KLHL29: variants seen among roughly 807,000 people sequenced by gnomAD.
KLHL29 encodes kelch like family member 29.
A neutral mutation model predicts 80.4 loss-of-function variants in KLHL29; 21 were observed. The ratio of observed to expected loss-of-function variants is 0.26; its 90% confidence interval spans 0.19 to 0.38. The LOEUF (loss-of-function observed/expected upper bound fraction) is 0.38, where lower values mean the gene tolerates loss of function less well. Among genes scored for constraint, KLHL29 ranks in the 10% least tolerant of loss-of-function variants. KLHL29 has a pLI of 1.00. For synonymous variants in KLHL29, 511 were observed against 526.8 expected, an observed-to-expected ratio of 0.97 and a Z score of 0.41; for missense variants, 867 against 1,223.9, an observed-to-expected ratio of 0.71 and a Z score of 4.35.
In KLHL29 at chr2:23,385,201, A is replaced by T. The variant is rs1249357322; in HGVS notation, c.-733A>T. On this transcript the variant is annotated 5_prime_UTR_variant, in exon 1 of 14. Transcript: ENST00000486442. ...AGCAGACGGTACCCGGAGCGGAGCG[A>T]GCCAGAAGGGAGCATGGTCCCCGCG... is the stretch of plus-strand genomic sequence containing the variant. 2 of 148,424 alleles carry T rather than the reference A, an allele frequency of 1.3e-5. No individual in the cohort carries two copies. Among genetic ancestry groups the T allele is most frequent in the Non-Finnish European group, 3.0e-5 (2 of 66,468 alleles). 9.2% of individuals were successfully genotyped at this position (148,424 alleles called of 1,614,324 possible).
intron 2 of KLHL29, among the ~76,000 whole-genome samples, chr2:23,546,337 T>C (rs1046684079): frequency 6.6e-6 from 1 of 152,084 alleles, no homozygotes; most frequent in Non-Finnish European, 1.5e-5. Context: ...CTAGAAAAGA[T>C]TGGGGCCAAG....
At chr2:23,453,046 G>C (rs1055497788) in intron 1 of KLHL29, among the ~76,000 whole-genome samples, 6 of 151,560 alleles carry the variant, frequency 4.0e-5, no homozygotes, top group African/African-American at 1.5e-4. Context: ...TCCCCTGAGA[G>C]ACCGTAAACT....
chr2:23,436,612 T>G (rs1159801663), intron 1 of KLHL29, among the ~76,000 whole-genome samples: 1 of 152,158 alleles, frequency 6.6e-6, no homozygotes, highest in Non-Finnish European at 1.5e-5. Context: ...AGGTGCGCAT[T>G]CAGCGCTGCG....
chr2:23,652,809 C>G (rs565577004), intron 5 of KLHL29, among the ~76,000 whole-genome samples: 1 of 152,334 alleles, frequency 6.6e-6, no homozygotes, highest in Non-Finnish European at 1.5e-5. Flanking sequence ...CTCCAGAGTC[C>G]TGCTGTCCAC....
intron 3 of KLHL29, among the ~76,000 whole-genome samples, chr2:23,637,077 C>T (rs1369387746): frequency 6.6e-6 from 1 of 152,122 alleles, no homozygotes. Context: ...CCCCTCCAGG[C>T]AGGAGGGGCT....
intron 1 of KLHL29, among the ~76,000 whole-genome samples, chr2:23,472,465 C>G (rs535530012): frequency 6.6e-6 from 1 of 152,148 alleles, no homozygotes; most frequent in Non-Finnish European, 1.5e-5. Context: ...GAAACCCTGT[C>G]TCTACTAAAA....
At chr2:23,673,373 A>C (rs529622075) in intron 5 of KLHL29, among the ~76,000 whole-genome samples, 5 of 150,802 alleles carry the variant, frequency 3.3e-5, no homozygotes, top group Admixed American at 3.3e-4. Flanking sequence ...CACAGGGTGC[A>C]TGCACACGTC....
At chr2:23,482,732 C>G (rs1336941679) in intron 2 of KLHL29, among the ~76,000 whole-genome samples, 1 of 152,262 alleles carries the variant, frequency 6.6e-6, no homozygotes, top group Non-Finnish European at 1.5e-5. Flanking sequence ...CCCTGTCTCT[C>G]TCTCTTACAA....
intron 2 of KLHL29, among the ~76,000 whole-genome samples, chr2:23,505,620 C>T (rs1665575974): frequency 6.6e-6 from 1 of 152,236 alleles, no homozygotes; most frequent in African/African-American, 2.4e-5. Context: ...GGTCCCTTGC[C>T]AGGGCTTCCT....
At chr2:23,634,412 C>T (rs1669554492) in intron 3 of KLHL29, among the ~76,000 whole-genome samples, 1 of 152,110 alleles carries the variant, frequency 6.6e-6, no homozygotes, top group Non-Finnish European at 1.5e-5. Context: ...TGACTTGGGC[C>T]CCCATCCATC....
intron 5 of KLHL29, among the ~76,000 whole-genome samples, chr2:23,676,339 T>C (rs1445812247): frequency 6.6e-6 from 1 of 152,208 alleles, no homozygotes; most frequent in African/African-American, 2.4e-5. Flanking sequence ...TCTGCTACCA[T>C]GCCCGGCTAA....
rs1664361413 is a variant in KLHL29 at position 23,466,634 on chromosome 2, G to C, written c.-153-8926G>C. ...TATGTGCAGTTACCTGTGTTCATTA[G>C]CTGTTTGTTTCCACTGTGTTAAAGT... On this transcript the variant is annotated intron_variant, in intron 1 of 13. Transcript: ENST00000486442. Among the ~76,000 whole-genome samples the C allele has an allele frequency of 5.9e-5, 9 of 152,326 alleles. No individual in the cohort carries two copies. In the South Asian group the frequency reaches 1.9e-3, roughly 32 times the overall value.
At chr2:23,595,128 C>T (rs998187001) in intron 3 of KLHL29, among the ~76,000 whole-genome samples, 2 of 152,154 alleles carry the variant, frequency 1.3e-5, no homozygotes, top group Non-Finnish European at 2.9e-5. Flanking sequence ...CTTTTCCTAA[C>T]TTTGGTTCTC....
rs181534827 is a variant in KLHL29, at chr2:23,614,546, C to T, written c.286-24593C>T. 2.6e-5 allele frequency among the ~76,000 whole-genome samples: 4 copies of T among 152,278 alleles called. No individual in the cohort carries two copies. In the East Asian group the frequency reaches 7.7e-4, roughly 29 times the overall value. ...AATAAAGGTATAGAAGATTTGCAAA[C>T]ACAATTAGTAAACATGACAACGGCT... is the stretch of plus-strand genomic sequence containing the variant. On this transcript the variant is annotated intron_variant, in intron 3 of 13. Coordinates refer to ENST00000486442, the MANE Select transcript of KLHL29 (RefSeq NM_052920.2).
intron 2 of KLHL29, among the ~76,000 whole-genome samples, chr2:23,545,330 C>A (rs547208379): frequency 6.6e-6 from 1 of 152,332 alleles, no homozygotes; most frequent in African/African-American, 2.4e-5. Context: ...AGCAAGCCAC[C>A]GCATCACTGA....
chr2:23,534,653 G>A (rs1001786622), intron 2 of KLHL29, among the ~76,000 whole-genome samples: 2 of 152,094 alleles, frequency 1.3e-5, no homozygotes, highest in African/African-American at 4.8e-5. Context: ...CCACAGCAGG[G>A]CCCAGCTCTG....
At chr2:23,421,768 CTGTG>C (rs1247189416) in intron 1 of KLHL29, among the ~76,000 whole-genome samples, 1 of 147,422 alleles carries the variant, frequency 6.8e-6, no homozygotes, top group Admixed American at 6.7e-5. Flanking sequence ...GTGTGTGTGT[CTGTG>C]TGCATATGTG....
In KLHL29 at chr2:23,684,083, A is replaced by C. The variant is rs994092488; in HGVS notation, c.941-316A>C. Among the ~76,000 whole-genome samples, 1 of 152,082 alleles carries C rather than the reference A, an allele frequency of 6.6e-6. No homozygotes were observed. The highest frequency in any genetic ancestry group is 1.9e-4 in the East Asian group (1 of 5,184). ...AGTTGTCTGTGATAATGTATTCTCT[A>C]TGTTTCCAATCGTCAGTATGGGAAT... On this transcript the variant is annotated intron_variant, in intron 5 of 13. Transcript: ENST00000486442. This position sits in a 1 kb window ranked among gnomAD's most constrained non-coding sequence, Gnocchi z 4.4.
chr2:23,551,187 T>C (rs1667113163), intron 2 of KLHL29, among the ~76,000 whole-genome samples: 1 of 152,248 alleles, frequency 6.6e-6, no homozygotes. Flanking sequence ...GCCTCCCTTC[T>C]TCCCTCAGTT....
Sources: gnomAD v4.1 joint callset for allele counts (sites outside exome capture counted in the v4.1 genomes callset) on GRCh38, gnomAD v4.1.1 for gene constraint, Gnocchi (gnomAD v3.1) non-coding constraint, MANE v1.5 for transcripts, NCBI Gene and HGNC (gene_info 2026-07-23, HGNC 2026-07-21) for gene names.